Variants in ZFP1 observed in about 807,000 individuals in gnomAD.
ZFP1 encodes the protein ZFP1 zinc finger protein.
A neutral mutation model predicts 38.5 loss-of-function variants in ZFP1; 32 were observed. The ratio of observed to expected loss-of-function variants is 0.83; its 90% CI spans 0.63 to 1.12. ZFP1 has a LOEUF of 1.12. Ranked by LOEUF, ZFP1 falls within the 50% of genes most tolerant of loss-of-function variation. The probability of loss-of-function intolerance (pLI) is 0.00; values close to 1 mark genes in which losing one functional copy is unlikely to be tolerated. For missense variants in ZFP1, 616 were observed against 480.8 expected (o/e 1.28, Z -2.63); for synonymous variants, 245 against 168.8 (o/e 1.45, Z -3.50).
At chr16:75,169,183 G>C (rs2038274233) in intron 3 of ZFP1, 70 bp from the exon 4 acceptor site, 9 of 1,510,548 alleles carry the variant, frequency 6.0e-6, no homozygotes, top group Middle Eastern at 1.8e-4. Context: ...CACGTGTGAA[G>C]ACTTCCCATT....
intron 2 of ZFP1, among the ~76,000 whole-genome samples, chr16:75,161,160 C>T (rs1297842958): frequency 1.3e-5 from 2 of 152,048 alleles, no homozygotes; most frequent in African/African-American, 4.8e-5. Flanking sequence ...CTCCGCCTTC[C>T]GGGTTCAAGC....
chr16:75,146,098 G>A (rs1054281068), upstream of ZFP1, among the ~76,000 whole-genome samples: 7 of 152,122 alleles, frequency 4.6e-5, no homozygotes, highest in Admixed American at 1.3e-4. Flanking sequence ...GTCCCGCGAA[G>A]GGGTCCAGGG....
At chr16:75,126,035 G>C in the ZFP1 span, 2 of 111,232 alleles carry the variant, frequency 1.8e-5, no homozygotes, top group African/African-American at 3.3e-5. Context: ...GGGCAACAGA[G>C]CAAAACTCCA....
At chr16:75,121,930 C>G in the ZFP1 span, among the ~76,000 whole-genome samples, 5 of 152,178 alleles carry the variant, frequency 3.3e-5, no homozygotes, top group Admixed American at 3.3e-4. Flanking sequence ...CAGTTTCATA[C>G]TTATCCCTGC....
chr16:75,160,077 T>C (rs908204287), intron 2 of ZFP1, among the ~76,000 whole-genome samples: 1 of 150,858 alleles, frequency 6.6e-6, no homozygotes, highest in Non-Finnish European at 1.5e-5. Context: ...AGGCTTGCCC[T>C]CCACCTACAC....
chr16:75,146,717 T>C (rs962555810), upstream of ZFP1, among the ~76,000 whole-genome samples: 1 of 151,836 alleles, frequency 6.6e-6, no homozygotes, highest in Non-Finnish European at 1.5e-5. Context: ...GGCAGGAGGA[T>C]TTCTTGATCC....
the ZFP1 span, among the ~76,000 whole-genome samples, chr16:75,139,810 T>C: frequency 1.3e-5 from 2 of 152,154 alleles, no homozygotes; most frequent in African/African-American, 4.8e-5. Context: ...TGGGAGTTAG[T>C]GTTTCATGGG....
chr16:75,147,453 T>TA (rs995565359), upstream of ZFP1, among the ~76,000 whole-genome samples: 1 of 1,488 alleles, frequency 6.7e-4, no homozygotes, highest in African/African-American at 1.6e-3. Flanking sequence ...AATTTTTGTA[T>TA]TTTTTTTTTT....
At chr16:75,167,379 CG>C (rs1263595743) in intron 3 of ZFP1, among the ~76,000 whole-genome samples, 1 of 149,276 alleles carries the variant, frequency 6.7e-6, no homozygotes, top group East Asian at 1.9e-4. Context: ...TCCAAATATC[CG>C]TCTCTCCCTG....
At chr16:75,121,405 A>G in the ZFP1 span, among the ~76,000 whole-genome samples, 1 of 152,152 alleles carries the variant, frequency 6.6e-6, no homozygotes, top group Admixed American at 6.5e-5. Context: ...GATTACAGGA[A>G]TGAACCACCA....
intron 1 of ZFP1, among the ~76,000 whole-genome samples, chr16:75,149,626 C>A (rs755766983): frequency 4.1e-5 from 5 of 122,280 alleles, no homozygotes; most frequent in African/African-American, 1.6e-4. Context: ...GTGGCTTGAT[C>A]TCGGCTCACT....
At chr16:75,120,283 C>T in the ZFP1 span, among the ~76,000 whole-genome samples, 1 of 152,100 alleles carries the variant, frequency 6.6e-6, no homozygotes, top group Non-Finnish European at 1.5e-5. Flanking sequence ...ATTCTGTTTT[C>T]TTCATTTACT....
intron 2 of ZFP1, among the ~76,000 whole-genome samples, chr16:75,154,809 T>G (rs2037391272): frequency 6.6e-6 from 1 of 152,054 alleles, no homozygotes; most frequent in African/African-American, 2.4e-5. Flanking sequence ...TAATTTTTAT[T>G]TTTTTTGAGA....
chr16:75,158,408 G>A (rs2037575411), intron 2 of ZFP1, among the ~76,000 whole-genome samples: 1 of 151,634 alleles, frequency 6.6e-6, no homozygotes, highest in Admixed American at 6.6e-5. Context: ...CAGTGCTGGA[G>A]TGAAGTGGTG....
intron 2 of ZFP1, among the ~76,000 whole-genome samples, chr16:75,159,477 A>G (rs2037655798): frequency 7.0e-6 from 1 of 142,264 alleles, no homozygotes; most frequent in Admixed American, 7.3e-5. Context: ...CAACGCTCAC[A>G]GTTCACTGTA....
At chr16:75,139,730 C>G in the ZFP1 span, among the ~76,000 whole-genome samples, 3 of 151,956 alleles carry the variant, frequency 2.0e-5, no homozygotes, top group Non-Finnish European at 4.4e-5. Flanking sequence ...GTGGTTTATA[C>G]TTAGAGTCAT....
chr16:75,171,694 T>A lies in ZFP1; in HGVS notation c.*1360T>A, dbSNP rs998036455. The A allele has an allele frequency of 2.0e-5, 3 of 152,222 alleles. No homozygotes were observed. Among genetic ancestry groups the A allele is most frequent in the African/African-American group, 4.8e-5 (2 of 41,468 alleles). 9.4% of individuals were successfully genotyped at this position (152,222 alleles called of 1,614,324 possible). On this transcript the variant is annotated 3_prime_UTR_variant, in exon 4 of 4. Coordinates refer to ENST00000570010, the MANE Select transcript of ZFP1 (RefSeq NM_153688.4). ...TAAATGGCAACCAAAAACTGGCTTT[T>A]AAAAAATATTTTTGGATATCATTGA...
chr16:75,153,375 T>G (rs2145505923), intron 2 of ZFP1, among the ~76,000 whole-genome samples: 1 of 152,318 alleles, frequency 6.6e-6, no homozygotes, highest in East Asian at 1.9e-4. Flanking sequence ...AATATGTGGG[T>G]TTGTATTTAA....
chr16:75,161,537 G>A (rs1018736444), intron 2 of ZFP1, among the ~76,000 whole-genome samples: 1 of 151,168 alleles, frequency 6.6e-6, no homozygotes, highest in Admixed American at 6.6e-5. Context: ...TGGTTTGCCT[G>A]TCTGATAATT....
Sources: gnomAD v4.1 joint callset for allele counts (sites outside exome capture counted in the v4.1 genomes callset) on GRCh38, gnomAD v4.1.1 for gene constraint, MANE v1.5 for transcripts, NCBI Gene and HGNC (gene_info 2026-07-23, HGNC 2026-07-21) for gene names.